The following AGPAT4 variants were observed in gnomAD, a reference collection of about 807,000 sequenced individuals.
The protein encoded by AGPAT4 is 1-acylglycerol-3-phosphate O-acyltransferase 4, also known as 1-acyl-sn-glycerol-3-phosphate acyltransferase delta.
Under a neutral mutation model 48.0 loss-of-function variants are expected in AGPAT4, and 15 were observed. The ratio of observed to expected loss-of-function variants is 0.31; its 90% CI spans 0.21 to 0.48. The LOEUF (loss-of-function observed/expected upper bound fraction) is 0.48, where lower values mean the gene tolerates loss of function less well. Among genes scored for constraint, AGPAT4 ranks in the 20% least tolerant of loss-of-function variants. The pLI is 0.99. For synonymous variants in AGPAT4, 178 were observed against 198.7 expected, an observed-to-expected ratio of 0.90 and a Z score of 0.88; for missense variants, 314 against 482.5, an observed-to-expected ratio of 0.65 and a Z score of 3.27.
In AGPAT4 at chr6:161,166,522, C is replaced by G; in HGVS notation, c.179-105G>C. The G allele has an allele frequency of 7.3e-7, 1 of 1,366,910 alleles. No homozygotes were observed. Among genetic ancestry groups the G allele is most frequent in the Non-Finnish European group, 9.9e-7 (1 of 1,009,160 alleles). The allele number at this position is 1,366,910 out of a possible 1,614,324, so 84.7% of individuals were successfully genotyped here. ...TCCCAGCTAGGGGAGAAAGCAACTTCTACGGGCAAAGTTCTGGATCGTTGC... is the reference window on the plus strand; with the variant it reads ...TCCCAGCTAGGGGAGAAAGCAACTTGTACGGGCAAAGTTCTGGATCGTTGC... On this transcript the variant is annotated intron_variant, in intron 2 of 8. Transcript: ENST00000320285. The surrounding 1 kb of genome is among the most constrained non-coding windows in gnomAD (Gnocchi z 6.7).
In AGPAT4 at chr6:161,189,843, G is replaced by T. The variant is rs1464016734; in HGVS notation, c.179-23426C>A. ...CAAGATAGCACTGAGTTTTGTGCAG[G>T]CCCAGGCTCTGTTCTGTCTTATCAG... is the stretch of plus-strand genomic sequence containing the variant. On this transcript the variant is annotated intron_variant, in intron 2 of 8. Transcript: ENST00000320285. This position sits in a 1 kb window ranked among gnomAD's most constrained non-coding sequence, Gnocchi z 5.3. Among the ~76,000 whole-genome samples the T allele has an allele frequency of 6.6e-6, 1 of 152,162 alleles. No homozygotes were observed. Among genetic ancestry groups the T allele is most frequent in the Non-Finnish European group, 1.5e-5 (1 of 68,030 alleles).
In AGPAT4 at chr6:161,137,011, T is replaced by C. The variant is rs73015418; in HGVS notation, c.1043-377A>G. 9.1e-3 allele frequency among the ~76,000 whole-genome samples: 1,380 copies of C among 152,244 alleles called. 6 individuals are homozygous for C. The highest frequency in any genetic ancestry group is 0.014 in the African/African-American group (578 of 41,534). On this transcript the variant is annotated intron_variant, in intron 8 of 8. Coordinates refer to ENST00000320285, the MANE Select transcript of AGPAT4 (RefSeq NM_020133.3). The surrounding 1 kb of genome is among the most constrained non-coding windows in gnomAD (Gnocchi z 6.1). ...AGTTAACAGGGCATGTTCAGCGAAG[T>C]TTTATAAAGAACAGACCAGGAGCCT...
rs545942217 is a variant in AGPAT4, at chr6:161,225,936, C to T, written c.178+6100G>A. Among the ~76,000 whole-genome samples, 2 of 152,204 alleles carry T rather than the reference C, an allele frequency of 1.3e-5. No individual in the cohort carries two copies. Among genetic ancestry groups the T allele is most frequent in the South Asian group, 4.1e-4 (2 of 4,820 alleles). On this transcript the variant is annotated intron_variant, in intron 2 of 8. Coordinates refer to ENST00000320285, the MANE Select transcript of AGPAT4 (RefSeq NM_020133.3). This position sits in a 1 kb window ranked among gnomAD's most constrained non-coding sequence, Gnocchi z 5.0. ...TCATGGGTCACGGGTCTTTTAAATT[C>T]CTTTCCATCCGACTTGACTCGCCAA... is the stretch of plus-strand genomic sequence containing the variant.
chr6:161,263,129 T>C (rs1783153326), intron 1 of AGPAT4, among the ~76,000 whole-genome samples: 1 of 29,028 alleles, frequency 3.4e-5, no homozygotes, highest in South Asian at 6.7e-4. Context: ...TTCTCACACC[T>C]GCCTGCCCCA....
Position 161,259,126 on chromosome 6 carries a change from A to G in AGPAT4, c.-90+14812T>C, listed in dbSNP as rs1464664488. Among the ~76,000 whole-genome samples the G allele has an allele frequency of 6.6e-6, 1 of 152,180 alleles. No homozygotes were observed. Among genetic ancestry groups the G allele is most frequent in the Non-Finnish European group, 1.5e-5 (1 of 68,024 alleles). ...AATTCTTTTCAATTGACAAATAAAA[A>G]TTGTACATATTTATGGTGTACAACA... On this transcript the variant is annotated intron_variant, in intron 1 of 8. Coordinates refer to ENST00000320285, the MANE Select transcript of AGPAT4 (RefSeq NM_020133.3). The surrounding 1 kb of genome is among the most constrained non-coding windows in gnomAD (Gnocchi z 4.9).
At chr6:161,207,413 T>C (rs1781404756) in intron 2 of AGPAT4, among the ~76,000 whole-genome samples, 1 of 152,220 alleles carries the variant, frequency 6.6e-6, no homozygotes, top group Non-Finnish European at 1.5e-5. Context: ...CCAATTACCA[T>C]GCAGCACGCT....
Position 161,133,713 on chromosome 6 carries a change from G to A in AGPAT4, c.*2827C>T, listed in dbSNP as rs1778976400. The A allele has an allele frequency of 1.3e-5, 2 of 152,210 alleles. No homozygotes were observed. The highest frequency in any genetic ancestry group is 1.3e-4 in the Admixed American group (2 of 15,278). 9.4% of individuals were successfully genotyped at this position (152,210 alleles called of 1,614,324 possible). On this transcript the variant is annotated 3_prime_UTR_variant, in exon 9 of 9. Transcript: ENST00000320285. The stretch of plus-strand genomic sequence containing the variant: ...GGGGATGACCCTGCACTGCTCTCCA[G>A]ATTTCACTCAAGGTTCGTATTTTTC...
rs576499284 is a variant in AGPAT4 at position 161,180,377 on chromosome 6, A to T, written c.179-13960T>A. 6.6e-6 allele frequency among the ~76,000 whole-genome samples: 1 copy of T among 152,320 alleles called. No homozygotes were observed. The highest frequency in any genetic ancestry group is 2.4e-5 in the African/African-American group (1 of 41,588). On this transcript the variant is annotated intron_variant, in intron 2 of 8. Coordinates refer to ENST00000320285, the MANE Select transcript of AGPAT4 (RefSeq NM_020133.3). This position sits in a 1 kb window ranked among gnomAD's most constrained non-coding sequence, Gnocchi z 6.4. ...AGACCTCACAATCCAAACACTGCTG[A>T]TGGGAGCCTTGAGGAGTACACAGTT... is the stretch of plus-strand genomic sequence containing the variant.
rs1476232670 is a variant in AGPAT4 at position 161,165,052 on chromosome 6, G to T, written c.348+1196C>A. 6.6e-6 allele frequency among the ~76,000 whole-genome samples: 1 copy of T among 152,108 alleles called. No individual in the cohort carries two copies. The highest frequency in any genetic ancestry group is 1.5e-5 in the Non-Finnish European group (1 of 68,024). On this transcript the variant is annotated intron_variant, in intron 3 of 8. Transcript: ENST00000320285. This position sits in a 1 kb window ranked among gnomAD's most constrained non-coding sequence, Gnocchi z 5.5. ...AGAAGAACCCTGCCATTCACCCCTG[G>T]TATCCATGACGGGGTTAGGACCATG... is the stretch of plus-strand genomic sequence containing the variant.
rs1355602240 is a variant in AGPAT4, at chr6:161,133,669, G to C, written c.*2871C>G. 1 of 152,180 alleles carries C rather than the reference G, an allele frequency of 6.6e-6. No individual in the cohort carries two copies. Among genetic ancestry groups the C allele is most frequent in the Non-Finnish European group, 1.5e-5 (1 of 68,048 alleles). 9.4% of individuals were successfully genotyped at this position (152,180 alleles called of 1,614,324 possible). Reference sequence around the variant, plus strand: ...TCTATAAGCTGCAGGAGTCGCCTAGGATATGGCCCGTCACGTCTGGGGATG... The same window carrying C: ...TCTATAAGCTGCAGGAGTCGCCTAGCATATGGCCCGTCACGTCTGGGGATG... On this transcript the variant is annotated 3_prime_UTR_variant, in exon 9 of 9. Coordinates refer to ENST00000320285, the MANE Select transcript of AGPAT4 (RefSeq NM_020133.3).
rs1037282935 is a variant in AGPAT4, at chr6:161,137,276, T to G, written c.1043-642A>C. The stretch of plus-strand genomic sequence containing the variant: ...TCTGGAGCGGGCAGATGTGGTGAGG[T>G]CCTTGGGTGCAGGGCCCAAGACTTA... On this transcript the variant is annotated intron_variant, in intron 8 of 8. Coordinates refer to ENST00000320285, the MANE Select transcript of AGPAT4 (RefSeq NM_020133.3). The surrounding 1 kb of genome is among the most constrained non-coding windows in gnomAD (Gnocchi z 6.1). Among the ~76,000 whole-genome samples, 2 of 152,134 alleles carry G rather than the reference T, an allele frequency of 1.3e-5. No individual in the cohort carries two copies. The highest frequency in any genetic ancestry group is 4.8e-5 in the African/African-American group (2 of 41,412).
At chr6:161,187,220 G>T (rs76779653) in intron 2 of AGPAT4, among the ~76,000 whole-genome samples, 1 of 152,108 alleles carries the variant, frequency 6.6e-6, no homozygotes, top group African/African-American at 2.4e-5. Flanking sequence ...CTCTTGCTCC[G>T]CCTTCCATAC....
intron 2 of AGPAT4, among the ~76,000 whole-genome samples, chr6:161,190,850 T>A (rs529785393): frequency 1.3e-5 from 2 of 152,334 alleles, no homozygotes; most frequent in South Asian, 2.1e-4. Context: ...TGGGTAGTAA[T>A]TAGATGTATT....
Position 161,240,831 on chromosome 6 carries a change from C to T in AGPAT4, c.-89-8529G>A, listed in dbSNP as rs980433667. Among the ~76,000 whole-genome samples the T allele has an allele frequency of 6.6e-6, 1 of 152,188 alleles. No individual in the cohort carries two copies. The highest frequency in any genetic ancestry group is 1.5e-5 in the Non-Finnish European group (1 of 68,040). On this transcript the variant is annotated intron_variant, in intron 1 of 8. Transcript: ENST00000320285. The surrounding 1 kb of genome is among the most constrained non-coding windows in gnomAD (Gnocchi z 5.5). ...GAACGTGCTCTGTTCTCACTCCTGG[C>T]AGACAAGGCTGGGTTCAGTTTTGGC... is the stretch of plus-strand genomic sequence containing the variant.
Position 161,154,915 on chromosome 6 carries a change from G to T in AGPAT4, c.349-605C>A, listed in dbSNP as rs1201844178. Among the ~76,000 whole-genome samples, 2 of 152,210 alleles carry T rather than the reference G, an allele frequency of 1.3e-5. No individual in the cohort carries two copies. Among genetic ancestry groups the T allele is most frequent in the Non-Finnish European group, 2.9e-5 (2 of 68,032 alleles). On this transcript the variant is annotated intron_variant, in intron 3 of 8. Coordinates refer to ENST00000320285, the MANE Select transcript of AGPAT4 (RefSeq NM_020133.3). The surrounding 1 kb of genome is among the most constrained non-coding windows in gnomAD (Gnocchi z 7.8). ...TGAGCTCTGCAGTTGAGGCAAACAG[G>T]AGTCTCCGCTCACAGAGCAGGCTGC...
intron 1 of AGPAT4, among the ~76,000 whole-genome samples, chr6:161,258,942 G>A (rs145933326): frequency 0.083 from 12,539 of 151,694 alleles, 819 homozygotes; most frequent in East Asian, 0.22. Context: ...GATTACAGGC[G>A]CCCGCCACCA....
chr6:161,169,232 T>A lies in AGPAT4; in HGVS notation c.179-2815A>T, dbSNP rs908833292. Reference sequence around the variant, plus strand: ...TAAAAACCACTGGAGCATTTTTAAATAGACACACACCAACATCCAATTTGC... The same window carrying A: ...TAAAAACCACTGGAGCATTTTTAAAAAGACACACACCAACATCCAATTTGC... On this transcript the variant is annotated intron_variant, in intron 2 of 8. Transcript: ENST00000320285. The surrounding 1 kb of genome is among the most constrained non-coding windows in gnomAD (Gnocchi z 5.0). 6.6e-6 allele frequency among the ~76,000 whole-genome samples: 1 copy of A among 151,946 alleles called. No homozygotes were observed. The highest frequency in any genetic ancestry group is 2.4e-5 in the African/African-American group (1 of 41,348).
In AGPAT4 at chr6:161,270,027, CA is replaced by C. The variant is rs1192516628; in HGVS notation, c.-90+3910del. Among the ~76,000 whole-genome samples, 1 of 152,108 alleles carries C rather than the reference CA, an allele frequency of 6.6e-6. No individual in the cohort carries two copies. Among genetic ancestry groups the C allele is most frequent in the Non-Finnish European group, 1.5e-5 (1 of 67,998 alleles). ...GACAGGTAGATGGATTGTTCCATGA[CA>C]ATGTTGAAACAAATTATACTCCTTT... On this transcript the variant is annotated intron_variant, in intron 1 of 8. Coordinates refer to ENST00000320285, the MANE Select transcript of AGPAT4 (RefSeq NM_020133.3). The surrounding 1 kb of genome is among the most constrained non-coding windows in gnomAD (Gnocchi z 5.3).
Position 161,195,242 on chromosome 6 carries a change from T to A in AGPAT4, c.179-28825A>T, listed in dbSNP as rs1323996412. On this transcript the variant is annotated intron_variant, in intron 2 of 8. Coordinates refer to ENST00000320285, the MANE Select transcript of AGPAT4 (RefSeq NM_020133.3). This position sits in a 1 kb window ranked among gnomAD's most constrained non-coding sequence, Gnocchi z 5.0. ...ACCGAAAACCAAGATGAAGGATAAT[T>A]CAAGACAAGAAACTGGCACCTATTT... Among the ~76,000 whole-genome samples the A allele has an allele frequency of 6.6e-6, 1 of 152,178 alleles. No homozygotes were observed. Among genetic ancestry groups the A allele is most frequent in the East Asian group, 1.9e-4 (1 of 5,200 alleles).
Sources: gnomAD v4.1 joint callset for allele counts (sites outside exome capture counted in the v4.1 genomes callset) on GRCh38, gnomAD v4.1.1 for gene constraint, Gnocchi (gnomAD v3.1) non-coding constraint, MANE v1.5 for transcripts, NCBI Gene and HGNC (gene_info 2026-07-23, HGNC 2026-07-21) for gene names.